SUPT3H: variants seen among roughly 807,000 people sequenced by gnomAD.
SUPT3H encodes the protein SPT3 homolog, SAGA and STAGA complex component, also known as transcription initiation protein SPT3 homolog.
SUPT3H carries 44 observed loss-of-function variants against 44.3 expected under a neutral mutation model. The ratio of observed to expected loss-of-function variants is 0.99; its 90% CI spans 0.78 to 1.28. The LOEUF is 1.28. Ranked by LOEUF, SUPT3H falls within the 50% of genes most tolerant of loss-of-function variation. The pLI is 0.00. For synonymous variants in SUPT3H, 124 were observed against 125.6 expected (o/e 0.99, Z 0.09); for missense variants, 380 against 387.1 (o/e 0.98, Z 0.15).
At chr6:44,923,585 A>G (rs947999397) in intron 10 of SUPT3H, among the ~76,000 whole-genome samples, 1 of 152,154 alleles carries the variant, frequency 6.6e-6, no homozygotes, top group African/African-American at 2.4e-5. Context: ...GCTGAACTAA[A>G]TTTCAGGTGT....
chr6:44,968,165 T>C (rs866639621), intron 6 of SUPT3H, among the ~76,000 whole-genome samples: 2 of 152,196 alleles, frequency 1.3e-5, no homozygotes, highest in Middle Eastern at 3.4e-3. Flanking sequence ...CCTTTTTGCA[T>C]GGAAAAGGCA....
At chr6:44,909,071 A>T (rs1766576678) in intron 10 of SUPT3H, among the ~76,000 whole-genome samples, 1 of 151,524 alleles carries the variant, frequency 6.6e-6, no homozygotes, top group African/African-American at 2.4e-5. Context: ...ATCTTTAATT[A>T]CCCCCTTAAT....
intron 6 of SUPT3H, among the ~76,000 whole-genome samples, chr6:44,978,783 G>C (rs1312380803): frequency 6.6e-6 from 1 of 152,150 alleles, no homozygotes; most frequent in Non-Finnish European, 1.5e-5. Context: ...AGTAGGGAGA[G>C]AGTTTGGTCT....
chr6:45,019,301 C>T (rs930468436), intron 4 of SUPT3H, among the ~76,000 whole-genome samples: 1 of 151,926 alleles, frequency 6.6e-6, no homozygotes, highest in Non-Finnish European at 1.5e-5. Context: ...AAAACCAGCT[C>T]CTGGATTCAT....
At chr6:45,197,614 C>T in intron 2 of SUPT3H, 1 of 334,410 alleles carries the variant, frequency 3.0e-6, no homozygotes, top group Non-Finnish European at 5.9e-6. Context: ...ATGAGAAAGA[C>T]AAAAGTTTTG....
rs73737877 is a variant in SUPT3H at position 45,088,955 on chromosome 6, A to G, written c.186+16967T>C. 3.9e-3 allele frequency among the ~76,000 whole-genome samples: 595 copies of G among 152,202 alleles called. 7 individuals are homozygous for G. Among genetic ancestry groups the G allele is most frequent in the African/African-American group, 0.014 (567 of 41,558 alleles). On this transcript the variant is annotated intron_variant, in intron 3 of 10. Coordinates refer to ENST00000371459, the MANE Select transcript of SUPT3H (RefSeq NM_003599.4). ...CAAAATAATATATAACAATTACACT[A>G]ACTTTGTAAATTTGATATCTTTCTT... is the stretch of plus-strand genomic sequence containing the variant.
intron 3 of SUPT3H, among the ~76,000 whole-genome samples, chr6:45,093,142 C>T (rs1437430609): frequency 6.6e-6 from 1 of 151,938 alleles, no homozygotes; most frequent in Non-Finnish European, 1.5e-5. Context: ...GATAAAAATA[C>T]ATATTTTACA....
At chr6:44,816,459 C>T (rs1471133855) in intron 11 of SUPT3H, among the ~76,000 whole-genome samples, 1 of 152,126 alleles carries the variant, frequency 6.6e-6, no homozygotes, top group East Asian at 1.9e-4. Context: ...TTATATCTAT[C>T]TAAGAAATAG....
At chr6:45,343,554 G>C (rs1358531335) in intron 2 of SUPT3H, among the ~76,000 whole-genome samples, 2 of 146,268 alleles carry the variant, frequency 1.4e-5, no homozygotes, top group African/African-American at 5.6e-5. Flanking sequence ...GATTAAGAGA[G>C]AAGGTCCTAT....
chr6:45,121,305 G>C (rs995506625), intron 2 of SUPT3H, among the ~76,000 whole-genome samples: 2 of 152,260 alleles, frequency 1.3e-5, no homozygotes, highest in South Asian at 2.1e-4. Context: ...GAGAGAGAAT[G>C]CTTGGGCAAC....
intron 6 of SUPT3H, among the ~76,000 whole-genome samples, chr6:45,003,292 A>T (rs187210767): frequency 1.3e-5 from 2 of 152,324 alleles, no homozygotes; most frequent in East Asian, 3.9e-4. Flanking sequence ...TAAAAGCAGT[A>T]AGAATTAGTT....
intron 7 of SUPT3H, among the ~76,000 whole-genome samples, chr6:44,956,325 A>G (rs181482472): frequency 1.3e-3 from 202 of 151,096 alleles, no homozygotes; most frequent in Non-Finnish European, 2.2e-3. Flanking sequence ...TCTACTAAAA[A>G]TACAAAAAAT....
intron 2 of SUPT3H, among the ~76,000 whole-genome samples, chr6:45,336,902 G>C (rs1788677556): frequency 6.6e-6 from 1 of 151,288 alleles, no homozygotes; most frequent in Admixed American, 6.6e-5. Context: ...CTGTTTTAAA[G>C]GAAACTTTAA....
chr6:45,328,847 C>A (rs1348354782), intron 2 of SUPT3H: 6 of 1,490,054 alleles, frequency 4.0e-6, no homozygotes, highest in Non-Finnish European at 5.6e-6. Context: ...AGGTATGATT[C>A]TTTGATAAAC....
chr6:45,014,312 G>T (rs1206394142), intron 5 of SUPT3H, among the ~76,000 whole-genome samples: 2 of 152,098 alleles, frequency 1.3e-5, no homozygotes, highest in Non-Finnish European at 2.9e-5. Context: ...ACTTCATGGT[G>T]TCTGAAGCAT....
At chr6:45,258,983 CTA>C (rs1423250613) in intron 2 of SUPT3H, among the ~76,000 whole-genome samples, 1 of 152,018 alleles carries the variant, frequency 6.6e-6, no homozygotes, top group South Asian at 2.1e-4. Flanking sequence ...ATTTCAAGTA[CTA>C]TGTTACTCTA....
chr6:45,029,291 CA>C (rs1156961863), intron 3 of SUPT3H, among the ~76,000 whole-genome samples: 2 of 150,438 alleles, frequency 1.3e-5, no homozygotes, highest in Non-Finnish European at 3.0e-5. Context: ...TCTCATGGCT[CA>C]AAAAATTCAT....
chr6:45,228,998 G>C (rs557819715), intron 2 of SUPT3H, among the ~76,000 whole-genome samples: 1 of 152,230 alleles, frequency 6.6e-6, no homozygotes, highest in African/African-American at 2.4e-5. Context: ...TTGCTATGAT[G>C]ATAAGAAGAT....
At chr6:45,277,036 T>C (rs1401312591) in intron 2 of SUPT3H, among the ~76,000 whole-genome samples, 1 of 152,230 alleles carries the variant, frequency 6.6e-6, no homozygotes, top group Admixed American at 6.5e-5. Flanking sequence ...CCTTATCCAA[T>C]GTAAACTCAA....
Sources: gnomAD v4.1 joint callset for allele counts (sites outside exome capture counted in the v4.1 genomes callset) on GRCh38, gnomAD v4.1.1 for gene constraint, MANE v1.5 for transcripts, NCBI Gene and HGNC (gene_info 2026-07-23, HGNC 2026-07-21) for gene names.